The following PDE10A variants were observed in gnomAD, a reference collection of about 807,000 sequenced individuals.
PDE10A encodes phosphodiesterase 10A.
In PDE10A, 39 loss-of-function variants were observed where a neutral mutation model predicts 97.7. The ratio of observed to expected loss-of-function variants is 0.40; its 90% CI spans 0.31 to 0.52. PDE10A has a LOEUF of 0.52. Among genes scored for constraint, PDE10A ranks in the 20% least tolerant of loss-of-function variants. The pLI is 0.56. For missense variants in PDE10A, 731 were observed against 1,047.8 expected, an observed-to-expected ratio of 0.70 and a Z score of 4.17; for synonymous variants, 371 against 376.8, an observed-to-expected ratio of 0.98 and a Z score of 0.18.
chr6:165,813,545 A>G (rs1463800226), intron 1 of PDE10A, among the ~76,000 whole-genome samples: 1 of 152,258 alleles, frequency 6.6e-6, no homozygotes, highest in African/African-American at 2.4e-5. Context: ...TTCAGCCCAC[A>G]CTCACAGTAG....
intron 12 of PDE10A, 150 bp downstream of exon 12, chr6:165,416,039 C>T (rs1185647774): frequency 3.2e-6 from 2 of 622,292 alleles, no homozygotes; most frequent in Non-Finnish European, 2.9e-6. Context: ...AATATACTGA[C>T]TATTGATAGC....
chr6:165,627,397 T>C (rs1788437445), intron 1 of PDE10A, among the ~76,000 whole-genome samples: 1 of 152,230 alleles, frequency 6.6e-6, no homozygotes, highest in African/African-American at 2.4e-5. Context: ...ACAATCACCA[T>C]GCCATATGAT....
chr6:165,654,980 C>T (rs1374452568), intron 1 of PDE10A, among the ~76,000 whole-genome samples: 1 of 152,220 alleles, frequency 6.6e-6, no homozygotes, highest in East Asian at 1.9e-4. Flanking sequence ...CCACTATTCA[C>T]TCCTGGTCTC....
intron 1 of PDE10A, among the ~76,000 whole-genome samples, chr6:165,807,075 CT>C (rs1411761818): frequency 6.6e-6 from 1 of 152,118 alleles, no homozygotes; most frequent in Admixed American, 6.5e-5. Flanking sequence ...TATGATTTTG[CT>C]TCTTAAGTCA....
chr6:165,350,143 C>T (rs965031413), intron 18 of PDE10A, among the ~76,000 whole-genome samples: 4 of 152,158 alleles, frequency 2.6e-5, no homozygotes, highest in Non-Finnish European at 5.9e-5. Flanking sequence ...GCATCGTGCA[C>T]CTGGAAAAGC....
intron 1 of PDE10A, among the ~76,000 whole-genome samples, chr6:165,614,503 T>C (rs1004332394): frequency 6.6e-6 from 1 of 152,144 alleles, no homozygotes; most frequent in African/African-American, 2.4e-5. Context: ...CTAGAACATC[T>C]ACCCTCCTGC....
chr6:165,648,036 C>T (rs1041903487), intron 1 of PDE10A, among the ~76,000 whole-genome samples: 18 of 151,986 alleles, frequency 1.2e-4, no homozygotes, highest in Admixed American at 4.6e-4. Flanking sequence ...TTTTTTGAGA[C>T]GGAGTCTCGC....
chr6:165,532,339 T>C (rs75236045), intron 2 of PDE10A, among the ~76,000 whole-genome samples: 2 of 151,512 alleles, frequency 1.3e-5, no homozygotes, highest in Non-Finnish European at 1.5e-5. Context: ...ATATCTAGTA[T>C]GTGCGTAACG....
intron 1 of PDE10A, among the ~76,000 whole-genome samples, chr6:165,568,909 C>A (rs1437624604): frequency 6.6e-6 from 1 of 152,176 alleles, no homozygotes; most frequent in African/African-American, 2.4e-5. Flanking sequence ...TGGAAAATCA[C>A]AAAGTTTATA....
intron 1 of PDE10A, among the ~76,000 whole-genome samples, chr6:165,608,521 T>C (rs1239510687): frequency 6.6e-6 from 1 of 152,130 alleles, no homozygotes; most frequent in Non-Finnish European, 1.5e-5. Flanking sequence ...TTGTTGGACA[T>C]TTGGGTTGGT....
intron 3 of PDE10A, among the ~76,000 whole-genome samples, chr6:165,477,970 G>T (rs1006792375): frequency 6.6e-6 from 1 of 152,018 alleles, no homozygotes; most frequent in Non-Finnish European, 1.5e-5. Context: ...TAGTGCTTGG[G>T]TCTTGACTCT....
chr6:165,369,897 G>C lies in PDE10A; in HGVS notation c.2783+9297C>G, dbSNP rs9459391. ...CAAATCTCTCGGCAGAAACCCTACA[G>C]GCCAGAAGAGAGTGGGGGCCAATAT... On this transcript the variant is annotated intron_variant, in intron 18 of 21. Coordinates refer to ENST00000539869, the MANE Select transcript of PDE10A (RefSeq NM_001385079.1). 3.3e-5 allele frequency among the ~76,000 whole-genome samples: 5 copies of C among 151,530 alleles called. No homozygotes were observed. The East Asian group carries it at 9.7e-4, about 30-fold the overall frequency.
intron 13 of PDE10A, among the ~76,000 whole-genome samples, chr6:165,397,964 T>C (rs1056261769): frequency 2.6e-5 from 4 of 152,086 alleles, no homozygotes. Context: ...ATCAGAAACA[T>C]TAAAATTAAG....
chr6:165,803,837 C>T (rs1156835729), intron 1 of PDE10A, among the ~76,000 whole-genome samples: 1 of 152,190 alleles, frequency 6.6e-6, no homozygotes. Flanking sequence ...CTCACAGAAT[C>T]TTCCATCTTC....
At chr6:165,538,827 T>C (rs1783252341) in intron 2 of PDE10A, among the ~76,000 whole-genome samples, 1 of 152,210 alleles carries the variant, frequency 6.6e-6, no homozygotes, top group Non-Finnish European at 1.5e-5. Flanking sequence ...TTTAATAATA[T>C]ATACTTTGTA....
Position 165,661,053 on chromosome 6 carries a change from C to G in PDE10A, c.865+894G>C, listed in dbSNP as rs1408256886. On this transcript the variant is annotated intron_variant, in intron 1 of 21. Transcript: ENST00000539869. This position sits in a 1 kb window ranked among gnomAD's most constrained non-coding sequence, Gnocchi z 4.8. ...CTCCCGCCTGCCTGCTTCCTTCTAG[C>G]GAACCCCTGCCTTGACTTTTCTGCT... 2 of 152,772 alleles carry G rather than the reference C, an allele frequency of 1.3e-5. No individual in the cohort carries two copies. Among genetic ancestry groups the G allele is most frequent in the East Asian group, 3.9e-4 (2 of 5,188 alleles). The allele number at this position is 152,772 out of a possible 1,614,324, so 9.5% of individuals were successfully genotyped here.
At chr6:165,718,055 C>G (rs1792071787) in intron 1 of PDE10A, among the ~76,000 whole-genome samples, 1 of 152,202 alleles carries the variant, frequency 6.6e-6, no homozygotes, top group Non-Finnish European at 1.5e-5. Context: ...TACCTTCTCA[C>G]TCTGTTGATT....
At chr6:165,339,740 G>A (rs949406705) in intron 19 of PDE10A, among the ~76,000 whole-genome samples, 1 of 152,334 alleles carries the variant, frequency 6.6e-6, no homozygotes, top group Admixed American at 6.5e-5. Context: ...ACTCAGTGAA[G>A]TTTGGCTTTC....
At chr6:165,971,304 T>G (rs1314052908) in intron 1 of PDE10A, among the ~76,000 whole-genome samples, 1 of 152,196 alleles carries the variant, frequency 6.6e-6, no homozygotes, top group African/African-American at 2.4e-5. Context: ...CACCTCAAGC[T>G]GGAAGTTCAA....
Sources: allele counts gnomAD v4.1 joint callset (sites outside exome capture counted in the v4.1 genomes callset), GRCh38; gene constraint gnomAD v4.1.1; non-coding constraint Gnocchi (gnomAD v3.1); transcripts MANE v1.5; gene names NCBI Gene and HGNC (gene_info 2026-07-23, HGNC 2026-07-21).